Variants in PAH observed in about 807,000 individuals in gnomAD.
PAH encodes the protein phenylalanine hydroxylase.
Under a neutral mutation model 62.0 loss-of-function variants are expected in PAH, and 64 were observed. That is an observed-to-expected ratio of 1.03 (90% confidence interval 0.84 to 1.27). PAH has a LOEUF of 1.27. PAH is among the 50% of genes most tolerant of loss of function. The probability of loss-of-function intolerance (pLI) is 0.00; values close to 1 mark genes in which losing one functional copy is unlikely to be tolerated. For synonymous variants in PAH, 195 were observed against 196.2 expected (o/e 0.99, Z 0.05); for missense variants, 579 against 542.8 (o/e 1.07, Z -0.66).
chr12:102,856,801 A>G (rs537766509), intron 5 of PAH, among the ~76,000 whole-genome samples: 234 of 152,370 alleles, frequency 1.5e-3, no homozygotes, highest in African/African-American at 5.2e-3. Flanking sequence ...ACTAACAAAC[A>G]AAAAGGACAT....
Position 102,875,805 on chromosome 12 carries a change from G to A in PAH, c.441+1657C>T, listed in dbSNP as rs1012552092. On this transcript the variant is annotated intron_variant, in intron 4 of 12. Coordinates refer to ENST00000553106, the MANE Select transcript of PAH (RefSeq NM_000277.3). ...TTCAAGGCAGCCATTGGAAGTTCAC[G>A]TGAAAATACATAGGTGAGACTCAAA... Among the ~76,000 whole-genome samples, 8 of 152,062 alleles carry A rather than the reference G, an allele frequency of 5.3e-5. No homozygotes were observed. The East Asian group carries it at 5.8e-4, about 11-fold the overall frequency.
intron 2 of PAH, among the ~76,000 whole-genome samples, chr12:102,909,320 G>T (rs1489656521): frequency 6.6e-6 from 1 of 152,100 alleles, no homozygotes; most frequent in Non-Finnish European, 1.5e-5. Flanking sequence ...GACCACAGGG[G>T]TAATGTGCCA....
In PAH at chr12:102,852,822, G is replaced by C. The variant is rs1555204441; in HGVS notation, c.835C>G (p.Pro279Ala). 1 of 1,613,920 alleles carries C rather than the reference G, an allele frequency of 6.2e-7. No individual in the cohort carries two copies. The highest frequency in any genetic ancestry group is 8.5e-7 in the Non-Finnish European group (1 of 1,179,952). The change falls in exon 7 of 13, where the codon CCC becomes GCC. Residue 279 changes from proline (P) to alanine (A), a missense_variant. Coordinates refer to ENST00000553106, the MANE Select transcript of PAH (RefSeq NM_000277.3). ...IRHGSKPMYT[P>A]EPDICHELLG... Reference sequence around the variant, plus strand: ...CTGGAGGACAGTACTCACGGTTCGGGGGTATACATGGGCTTGGATCCATGT... The same window carrying C: ...CTGGAGGACAGTACTCACGGTTCGGCGGTATACATGGGCTTGGATCCATGT...
chr12:102,843,977 G>T (rs1294912885), intron 10 of PAH, among the ~76,000 whole-genome samples, 198 bp from the exon 11 acceptor site: 1 of 152,108 alleles, frequency 6.6e-6, no homozygotes, highest in Non-Finnish European at 1.5e-5. Context: ...TACAGCCAAG[G>T]GAGAAAGGAG....
rs539401223 is a variant in PAH, at chr12:102,867,868, G to T, written c.442-1205C>A. Among the ~76,000 whole-genome samples the T allele has an allele frequency of 5.1e-4, 56 of 109,970 alleles. No homozygotes were observed. In the South Asian group the frequency reaches 6.4e-3, roughly 13 times the overall value. The allele number at this position is 109,970 out of a possible 152,430, so 72.1% of individuals were successfully genotyped here. Reference sequence around the variant, plus strand: ...CTCTCTCTATGTATATACATATATAGATGTATATATACATGTATATACATA... The same window carrying T: ...CTCTCTCTATGTATATACATATATATATGTATATATACATGTATATACATA... On this transcript the variant is annotated intron_variant, in intron 4 of 12. Transcript: ENST00000553106.
intron 11 of PAH, among the ~76,000 whole-genome samples, chr12:102,842,785 C>T (rs530221839): frequency 2.0e-5 from 3 of 152,148 alleles, no homozygotes; most frequent in Admixed American, 6.5e-5. Flanking sequence ...TTCCTCTGAC[C>T]TCTCAGAGGC....
intron 2 of PAH, among the ~76,000 whole-genome samples, chr12:102,910,371 C>CT (rs1878152853): frequency 6.7e-6 from 1 of 149,862 alleles, no homozygotes; most frequent in African/African-American, 2.5e-5. Flanking sequence ...CCTTGAAATT[C>CT]CTTTTTTTTT....
intron 1 of PAH, among the ~76,000 whole-genome samples, chr12:102,931,229 A>G (rs1207065667): frequency 1.3e-5 from 2 of 152,218 alleles, no homozygotes; most frequent in Non-Finnish European, 2.9e-5. Context: ...TTCCTTAAAT[A>G]GAGCCCCAAA....
At chr12:102,926,756 A>G (rs1190443078) in intron 1 of PAH, among the ~76,000 whole-genome samples, 2 of 152,090 alleles carry the variant, frequency 1.3e-5, no homozygotes, top group Admixed American at 6.6e-5. Flanking sequence ...CTCCAAGAAG[A>G]TTACTTCTAA....
chr12:102,855,098 A>G (rs765603814), intron 6 of PAH, 38 bp downstream of exon 6: 3 of 1,555,284 alleles, frequency 1.9e-6, no homozygotes, highest in East Asian at 4.5e-5. Flanking sequence ...ATCCTCCCCC[A>G]ACTTTCTGCA....
At chr12:102,892,148 T>C (rs1047131117) in intron 3 of PAH, among the ~76,000 whole-genome samples, 1 of 152,108 alleles carries the variant, frequency 6.6e-6, no homozygotes. Flanking sequence ...AACACTGGAG[T>C]GGGCTTTCCT....
At position 102,854,659 on chromosome 12, in the gene PAH, G is replaced by C. The variant is rs928650071; in HGVS notation, c.706+477C>G. The C allele has an allele frequency of 2.7e-5, 6 of 220,526 alleles. No individual in the cohort carries two copies. The East Asian group carries it at 7.0e-4, about 26-fold the overall frequency. 13.7% of individuals were successfully genotyped at this position (220,526 alleles called of 1,614,324 possible). Reference sequence around the variant, plus strand: ...TCCATTTGACAGATGACAAAACTGAGGCAGGTTTACTCAGCTGGAGAGGAT... The same window carrying C: ...TCCATTTGACAGATGACAAAACTGACGCAGGTTTACTCAGCTGGAGAGGAT... On this transcript the variant is annotated intron_variant, in intron 6 of 12. Coordinates refer to ENST00000553106, the MANE Select transcript of PAH (RefSeq NM_000277.3).
intron 3 of PAH, among the ~76,000 whole-genome samples, chr12:102,882,675 TAA>T (rs1491554072): frequency 0.27 from 9,516 of 35,750 alleles, 439 homozygotes; most frequent in African/African-American, 0.37. Flanking sequence ...TATATATATA[TAA>T]AATTTTTTTC....
At chr12:102,948,106 G>A (rs551828340) in intron 1 of PAH, among the ~76,000 whole-genome samples, 1 of 152,292 alleles carries the variant, frequency 6.6e-6, no homozygotes, top group Non-Finnish European at 1.5e-5. Context: ...GTTGACTAAT[G>A]TTCAAAAAAT....
chr12:102,923,801 A>G (rs1325049134), intron 1 of PAH, among the ~76,000 whole-genome samples: 1 of 152,160 alleles, frequency 6.6e-6, no homozygotes, highest in Non-Finnish European at 1.5e-5. Context: ...CTCACAGTCC[A>G]GATAATACCA....
At chr12:102,931,333 G>C (rs893261460) in intron 1 of PAH, among the ~76,000 whole-genome samples, 1 of 152,106 alleles carries the variant, frequency 6.6e-6, no homozygotes. Flanking sequence ...ACAACTTAAA[G>C]CTTATGAGAG....
chr12:102,905,064 C>T (rs1367130043), intron 2 of PAH, among the ~76,000 whole-genome samples: 2 of 152,142 alleles, frequency 1.3e-5, no homozygotes, highest in South Asian at 2.1e-4. Context: ...AAATAAAACA[C>T]GTGAAAGGGG....
intron 2 of PAH, among the ~76,000 whole-genome samples, chr12:102,910,197 T>C (rs1483933807): frequency 6.6e-6 from 1 of 152,060 alleles, no homozygotes; most frequent in Admixed American, 6.5e-5. Flanking sequence ...CGCAAGGAAG[T>C]GCTGCAGTTA....
chr12:102,863,889 T>C (rs573887112), intron 5 of PAH, among the ~76,000 whole-genome samples: 1 of 152,248 alleles, frequency 6.6e-6, no homozygotes, highest in South Asian at 2.1e-4. Flanking sequence ...AAAGCCCAAC[T>C]TCCACTCCAG....
Sources: gnomAD v4.1 joint callset for allele counts (sites outside exome capture counted in the v4.1 genomes callset) on GRCh38, gnomAD v4.1.1 for gene constraint, MANE v1.5 for transcripts, NCBI Gene and HGNC (gene_info 2026-07-23, HGNC 2026-07-21) for gene names.